SGCZ: variants seen among roughly 807,000 people sequenced by gnomAD.
The protein encoded by SGCZ is zeta-sarcoglycan.
Under a neutral mutation model 41.3 loss-of-function variants are expected in SGCZ, and 40 were observed. The ratio of observed to expected loss-of-function variants is 0.97; its 90% confidence interval spans 0.75 to 1.26. The LOEUF (loss-of-function observed/expected upper bound fraction) is 1.26. SGCZ is among the 50% of genes most tolerant of loss of function. The pLI is 0.00. For missense variants in SGCZ, 552 were observed against 369.8 expected (o/e 1.49, Z -4.04); for synonymous variants, 206 against 137.5 (o/e 1.50, Z -3.49).
At chr8:14,518,983 C>T (rs543519737) in intron 2 of SGCZ, among the ~76,000 whole-genome samples, 1 of 148,976 alleles carries the variant, frequency 6.7e-6, no homozygotes, top group South Asian at 2.1e-4. Flanking sequence ...GCAGGAGAAT[C>T]GCTTGAACCC....
chr8:14,828,514 A>C (rs1802417297), intron 1 of SGCZ, among the ~76,000 whole-genome samples: 1 of 152,206 alleles, frequency 6.6e-6, no homozygotes, highest in South Asian at 2.1e-4. Flanking sequence ...ATTTTAAACA[A>C]GTGTAATCAA....
At chr8:15,145,439 T>C (rs1345258978) in intron 1 of SGCZ, among the ~76,000 whole-genome samples, 4 of 152,308 alleles carry the variant, frequency 2.6e-5, no homozygotes, top group Non-Finnish European at 4.4e-5. Flanking sequence ...ACATCTACTA[T>C]GTGAATTAAG....
At chr8:14,560,004 T>C (rs1804159795) in intron 1 of SGCZ, among the ~76,000 whole-genome samples, 1 of 152,102 alleles carries the variant, frequency 6.6e-6, no homozygotes, top group Non-Finnish European at 1.5e-5. Context: ...CTGAGGAATT[T>C]GGTAGAAATT....
intron 1 of SGCZ, among the ~76,000 whole-genome samples, chr8:14,772,374 T>C (rs73531188): frequency 0.063 from 9,599 of 152,090 alleles, 650 homozygotes; most frequent in African/African-American, 0.17. Context: ...GAAATATAAA[T>C]ATTTTCATCC....
rs1463538664 is a variant in SGCZ at position 14,085,653 on chromosome 8, A to G, written c.*4790T>C. Among the ~76,000 whole-genome samples the G allele has an allele frequency of 6.6e-6, 1 of 151,736 alleles. No homozygotes were observed. The highest frequency in any genetic ancestry group is 1.9e-4 in the East Asian group (1 of 5,152). On this transcript the variant is annotated 3_prime_UTR_variant, in exon 8 of 8. Coordinates refer to ENST00000382080, the MANE Select transcript of SGCZ (RefSeq NM_139167.4). ...TGAAAGTTGAAACTCAGCTGAGGAG[A>G]TCCATGCTGGGCCCATTTTGGGATA...
chr8:15,138,318 C>T (rs1318815143), intron 1 of SGCZ, among the ~76,000 whole-genome samples: 1 of 151,986 alleles, frequency 6.6e-6, no homozygotes, highest in East Asian at 1.9e-4. Context: ...TCAGATAAGA[C>T]TTTGGAGTTG....
chr8:15,000,048 TA>T (rs1348960139), intron 1 of SGCZ, among the ~76,000 whole-genome samples: 1 of 152,168 alleles, frequency 6.6e-6, no homozygotes, highest in African/African-American at 2.4e-5. Flanking sequence ...AATGAGGTCA[TA>T]GGGGTGAGCC....
intron 1 of SGCZ, among the ~76,000 whole-genome samples, chr8:14,841,970 G>C (rs1186859405): frequency 6.6e-6 from 1 of 152,120 alleles, no homozygotes; most frequent in African/African-American, 2.4e-5. Context: ...ATTCAGTACA[G>C]GACTGAATTA....
At chr8:14,712,148 C>A (rs1809539801) in intron 1 of SGCZ, among the ~76,000 whole-genome samples, 1 of 152,204 alleles carries the variant, frequency 6.6e-6, no homozygotes, top group South Asian at 2.1e-4. Flanking sequence ...ACTTCCACAA[C>A]TAACCCCTAA....
chr8:14,224,474 C>T lies in SGCZ; in HGVS notation c.424+13118G>A, dbSNP rs115017926. Among the ~76,000 whole-genome samples the T allele has an allele frequency of 6.9e-3, 1,043 of 152,252 alleles. 12 individuals are homozygous for T. The highest frequency in any genetic ancestry group is 0.023 in the African/African-American group (965 of 41,530). ...GAAAATCCTTTAAACATTCTAGCTG[C>T]GCTGCCCTGGCTTTGTGATAAAAAT... On this transcript the variant is annotated intron_variant, in intron 4 of 7. Transcript: ENST00000382080.
chr8:14,275,610 T>C (rs1345419429), intron 3 of SGCZ, among the ~76,000 whole-genome samples: 1 of 152,172 alleles, frequency 6.6e-6, no homozygotes, highest in Non-Finnish European at 1.5e-5. Flanking sequence ...ACCCCAGGAA[T>C]ACTGTCCTGA....
intron 5 of SGCZ, among the ~76,000 whole-genome samples, chr8:14,132,409 C>T (rs937415132): frequency 6.6e-6 from 1 of 152,200 alleles, no homozygotes; most frequent in Non-Finnish European, 1.5e-5. Flanking sequence ...AACTACTTCT[C>T]TTTCCCATCC....
chr8:14,194,456 A>T (rs1260115346), intron 4 of SGCZ, among the ~76,000 whole-genome samples: 1 of 151,938 alleles, frequency 6.6e-6, no homozygotes, highest in Non-Finnish European at 1.5e-5. Context: ...ACAGAGGCTG[A>T]GAGAGAACTT....
intron 1 of SGCZ, among the ~76,000 whole-genome samples, chr8:14,762,336 T>C (rs145199327): frequency 7.6e-4 from 116 of 151,820 alleles, no homozygotes; most frequent in African/African-American, 2.5e-3. Flanking sequence ...AGAAAGGACA[T>C]AGGATCACAT....
Position 14,388,831 on chromosome 8 carries a change from A to G in SGCZ, c.235-64627T>C, listed in dbSNP as rs530945821. 2.3e-5 allele frequency among the ~76,000 whole-genome samples: 3 copies of G among 131,366 alleles called. No individual in the cohort carries two copies. The East Asian group carries it at 6.0e-4, about 26-fold the overall frequency. The allele number at this position is 131,366 out of a possible 152,430, so 86.2% of individuals were successfully genotyped here. A position where few individuals can be genotyped will look rare whatever the true frequency, so the allele number is the denominator to read the frequency against. ...ACTTAAAATAAAAGCTCAAAAATTA[A>G]TAAAAAAGAAAAAAAAAAAGAAAAT... is the stretch of plus-strand genomic sequence containing the variant. On this transcript the variant is annotated intron_variant, in intron 2 of 7. Coordinates refer to ENST00000382080, the MANE Select transcript of SGCZ (RefSeq NM_139167.4).
chr8:14,254,751 T>C (rs1163340848), intron 3 of SGCZ, among the ~76,000 whole-genome samples: 1 of 96,932 alleles, frequency 1.0e-5, no homozygotes, highest in Non-Finnish European at 3.1e-5. Context: ...GTGTCGTCTT[T>C]TTTTTTCTGG....
chr8:14,107,535 A>T (rs1256092210), intron 6 of SGCZ, among the ~76,000 whole-genome samples: 1 of 152,190 alleles, frequency 6.6e-6, no homozygotes, highest in East Asian at 1.9e-4. Flanking sequence ...GGTCATTTAT[A>T]GCTTTCTCAG....
intron 1 of SGCZ, among the ~76,000 whole-genome samples, chr8:14,774,283 C>T (rs1800335036): frequency 6.6e-6 from 1 of 152,190 alleles, no homozygotes; most frequent in Admixed American, 6.6e-5. Flanking sequence ...AATCCACCTA[C>T]AGATTTTGGA....
At chr8:15,104,642 T>C (rs1159975267) in intron 1 of SGCZ, among the ~76,000 whole-genome samples, 1 of 152,250 alleles carries the variant, frequency 6.6e-6, no homozygotes, top group Non-Finnish European at 1.5e-5. Flanking sequence ...TATCAATATA[T>C]TAATTTTTAC....
Sources: allele counts gnomAD v4.1 joint callset (sites outside exome capture counted in the v4.1 genomes callset), GRCh38; gene constraint gnomAD v4.1.1; transcripts MANE v1.5; gene names NCBI Gene and HGNC (gene_info 2026-07-23, HGNC 2026-07-21).